Variants in USP31 observed in about 807,000 individuals in gnomAD.
USP31 encodes ubiquitin carboxyl-terminal hydrolase 31.
Under a neutral mutation model 119.4 loss-of-function variants are expected in USP31, and 44 were observed. The ratio of observed to expected loss-of-function variants is 0.37; its 90% CI spans 0.29 to 0.47. The LOEUF (loss-of-function observed/expected upper bound fraction) is 0.47. Ranked by LOEUF, USP31 falls within the 20% of genes least tolerant of loss-of-function variation. USP31 has a pLI of 0.99. For missense variants in USP31, 1,643 were observed against 1,730.2 expected, an observed-to-expected ratio of 0.95 and a Z score of 0.89; for synonymous variants, 749 against 705.6, an observed-to-expected ratio of 1.06 and a Z score of -0.97.
intron 9 of USP31, among the ~76,000 whole-genome samples, chr16:23,086,002 C>T (rs1243086814): frequency 6.6e-6 from 1 of 152,148 alleles, no homozygotes; most frequent in Non-Finnish European, 1.5e-5. Context: ...CCCACCCAAA[C>T]AGACACTGGA....
intron 6 of USP31, among the ~76,000 whole-genome samples, chr16:23,099,240 A>G (rs1901746000): frequency 6.6e-6 from 1 of 152,246 alleles, no homozygotes; most frequent in African/African-American, 2.4e-5. Context: ...ACTGGTCATC[A>G]GAGAAATGCA....
Position 23,072,052 on chromosome 16 carries a change from T to C in USP31, c.2481A>G (p.Glu827=). Reference sequence around the variant, plus strand: ...ACCAAAACCCACACCCACCATCATCTTCACTCCTTTCTCCAGTCATCTCCA... The same window carrying C: ...ACCAAAACCCACACCCACCATCATCCTCACTCCTTTCTCCAGTCATCTCCA... The part of the protein sequence containing the change: ...ESVEMTGERS[E]DDGGFSTRPF... Residue 827 remains glutamate (E), a synonymous_variant, in exon 15 of 16, where the codon GAA becomes GAG. Transcript: ENST00000219689. The C allele has an allele frequency of 6.2e-7, 1 of 1,612,074 alleles. No homozygotes were observed. The highest frequency in any genetic ancestry group is 1.3e-5 in the African/African-American group (1 of 74,988).
chr16:23,148,908 G>C lies in USP31; in HGVS notation c.363C>G (p.Ala121=), dbSNP rs750196431. The change falls in exon 1 of 16, where the codon GCC becomes GCG. Residue 121 remains alanine, a synonymous_variant. Transcript: ENST00000219689. The stretch of plus-strand genomic sequence containing the variant: ...GCCCCGCCACGCCGGGCACCGGCTC[G>C]GCGGCGCAAGCGGGCGGCGCGGGAG... ...PASPAPPACA[A]EPVPGVAGLR... is the part of the protein sequence containing the mutation. The C allele has an allele frequency of 1.8e-5, 25 of 1,393,190 alleles. No homozygotes were observed. The East Asian group carries it at 2.3e-4, about 13-fold the overall frequency. The allele number at this position is 1,393,190 out of a possible 1,614,324, so 86.3% of individuals were successfully genotyped here.
Position 23,110,713 on chromosome 16 carries a change from G to C in USP31, c.634-2530C>G, listed in dbSNP as rs552402958. On this transcript the variant is annotated intron_variant, in intron 1 of 15. Transcript: ENST00000219689. The stretch of plus-strand genomic sequence containing the variant: ...AGGCCTGGGACTACTCTCCTCCAAA[G>C]TAAAATGGATAATAATGACTCAGTG... Among the ~76,000 whole-genome samples, 3 of 152,264 alleles carry C rather than the reference G, an allele frequency of 2.0e-5. No individual in the cohort carries two copies. The East Asian group carries it at 5.8e-4, about 29-fold the overall frequency.
intron 1 of USP31, among the ~76,000 whole-genome samples, chr16:23,113,505 C>T (rs913807312): frequency 6.6e-6 from 1 of 152,088 alleles, no homozygotes. Flanking sequence ...TCCATGGAGG[C>T]GGAAGCAATA....
At chr16:23,083,089 C>CA (rs1900910658) in intron 11 of USP31, among the ~76,000 whole-genome samples, 1 of 152,168 alleles carries the variant, frequency 6.6e-6, no homozygotes, top group South Asian at 2.1e-4. Context: ...CTCAGCCTCC[C>CA]AAAGTGCTGG....
At chr16:23,148,612 G>A (rs1903601956) in intron 1 of USP31, 26 bp downstream of exon 1, 16 of 1,446,270 alleles carry the variant, frequency 1.1e-5, no homozygotes, top group Non-Finnish European at 9.0e-7. Context: ...GGGGTGCAGT[G>A]GGGGCGCGGC....
intron 1 of USP31, among the ~76,000 whole-genome samples, chr16:23,122,196 C>T (rs1902694387): frequency 6.6e-6 from 1 of 152,102 alleles, no homozygotes; most frequent in South Asian, 2.1e-4. Flanking sequence ...TATCTAATAT[C>T]AAATTTTAGC....
chr16:23,116,401 G>A (rs567553880), intron 1 of USP31, among the ~76,000 whole-genome samples: 92 of 152,262 alleles, frequency 6.0e-4, no homozygotes, highest in African/African-American at 2.2e-3. Flanking sequence ...TTTACTTTCA[G>A]GACGCCTACT....
intron 8 of USP31, 131 bp downstream of exon 8, chr16:23,087,593 C>A: frequency 1.2e-6 from 1 of 819,642 alleles, no homozygotes; most frequent in Admixed American, 2.8e-5. Flanking sequence ...GTGGCTAGCT[C>A]TTTCATAAAA....
chr16:23,105,853 G>A (rs532273591), intron 4 of USP31, among the ~76,000 whole-genome samples: 2 of 152,252 alleles, frequency 1.3e-5, no homozygotes, highest in African/African-American at 4.8e-5. Context: ...CTTTAGAACA[G>A]CATAACTCCT....
At position 23,063,409 on chromosome 16, in the gene USP31, CCA is replaced by C. The variant is rs980689202; in HGVS notation, c.*4635_*4636del. The stretch of plus-strand genomic sequence containing the variant: ...TTTTAATTCTTAGCACTATTAGAAG[CCA>C]CATTCTTTCCTTGTGACCAAAATAG... On this transcript the variant is annotated 3_prime_UTR_variant, in exon 16 of 16. Coordinates refer to ENST00000219689, the MANE Select transcript of USP31 (RefSeq NM_020718.4). 22 of 152,660 alleles carry C rather than the reference CCA, an allele frequency of 1.4e-4. No individual in the cohort carries two copies. The highest frequency in any genetic ancestry group is 1.3e-4 in the Admixed American group (2 of 15,294). 9.5% of individuals were successfully genotyped at this position (152,660 alleles called of 1,614,324 possible).
chr16:23,070,199 G>A lies in USP31; in HGVS notation c.2489-583C>T, dbSNP rs143198355. 4.7e-3 allele frequency among the ~76,000 whole-genome samples: 718 copies of A among 152,240 alleles called. 4 individuals are homozygous for A. Among genetic ancestry groups the A allele is most frequent in the Middle Eastern group, 0.014 (4 of 294 alleles). On this transcript the variant is annotated intron_variant, in intron 15 of 15. Transcript: ENST00000219689. ...GACCCAGCTTCATTACCTTCCTGAA[G>A]GTGATCTGGGGCTCACAGAAATGAA...
At chr16:23,127,529 C>A (rs1015105753) in intron 1 of USP31, among the ~76,000 whole-genome samples, 34 of 152,082 alleles carry the variant, frequency 2.2e-4, no homozygotes, top group Non-Finnish European at 4.7e-4. Flanking sequence ...GTGGCACGAT[C>A]TCAGCTCACT....
At chr16:23,070,024 A>G (rs1352340986) in intron 15 of USP31, among the ~76,000 whole-genome samples, 1 of 152,232 alleles carries the variant, frequency 6.6e-6, no homozygotes, top group Non-Finnish European at 1.5e-5. Context: ...AAATGTTTAC[A>G]AAGAAAGGCA....
intron 1 of USP31, among the ~76,000 whole-genome samples, chr16:23,144,376 T>C (rs935375507): frequency 5.9e-5 from 9 of 152,136 alleles, no homozygotes; most frequent in African/African-American, 1.7e-4. Context: ...ATGTGAGCGA[T>C]GTGAAAGTGA....
chr16:23,104,912 G>T (rs1246760895), intron 5 of USP31, among the ~76,000 whole-genome samples: 3 of 152,200 alleles, frequency 2.0e-5, no homozygotes, highest in African/African-American at 7.2e-5. Context: ...AAGGGATGCG[G>T]CATGGGCACA....
chr16:23,102,898 TA>T (rs1901942113), intron 5 of USP31, among the ~76,000 whole-genome samples: 1 of 152,202 alleles, frequency 6.6e-6, no homozygotes, highest in Admixed American at 6.5e-5. Flanking sequence ...TATGTATCCA[TA>T]AAATAAAAAG....
At chr16:23,114,824 G>C (rs978688190) in intron 1 of USP31, among the ~76,000 whole-genome samples, 1 of 152,152 alleles carries the variant, frequency 6.6e-6, no homozygotes, top group Non-Finnish European at 1.5e-5. Flanking sequence ...GAAATTTAAG[G>C]AAAAGAAAAT....
Sources: gnomAD v4.1 joint callset for allele counts (sites outside exome capture counted in the v4.1 genomes callset) on GRCh38, gnomAD v4.1.1 for gene constraint, MANE v1.5 for transcripts, NCBI Gene and HGNC (gene_info 2026-07-23, HGNC 2026-07-21) for gene names.